The following DOK6 variants were observed in gnomAD, a reference collection of about 807,000 sequenced individuals.
The protein encoded by DOK6 is downstream of tyrosine kinase 6.
A neutral mutation model predicts 44.0 loss-of-function variants in DOK6; 22 were observed. That is an observed-to-expected ratio of 0.50 (90% CI 0.36 to 0.71). The LOEUF is 0.71. Among genes scored for constraint, DOK6 ranks in the 30% least tolerant of loss-of-function variants. The pLI is 0.00. For missense variants in DOK6, 340 were observed against 416.4 expected, an observed-to-expected ratio of 0.82 and a Z score of 1.60; for synonymous variants, 166 against 145.5, an observed-to-expected ratio of 1.14 and a Z score of -1.01.
chr18:69,493,451 C>A (rs756088876), intron 1 of DOK6, among the ~76,000 whole-genome samples: 51 of 152,140 alleles, frequency 3.4e-4, no homozygotes, highest in Non-Finnish European at 6.2e-4. Flanking sequence ...TTCAGATATT[C>A]AGCCTCAACC....
At chr18:69,837,102 G>C (rs1599352969) in intron 7 of DOK6, among the ~76,000 whole-genome samples, 1 of 152,296 alleles carries the variant, frequency 6.6e-6, no homozygotes, top group East Asian at 1.9e-4. Flanking sequence ...TGACCTTGAG[G>C]GGGAGAATAT....
At chr18:69,485,823 A>G (rs1980559803) in intron 1 of DOK6, among the ~76,000 whole-genome samples, 1 of 151,984 alleles carries the variant, frequency 6.6e-6, no homozygotes, top group Non-Finnish European at 1.5e-5. Context: ...CAGACTTCAG[A>G]CATTTAAGGC....
chr18:69,742,562 A>G (rs138427723), intron 6 of DOK6, among the ~76,000 whole-genome samples: 49 of 152,366 alleles, frequency 3.2e-4, no homozygotes, highest in African/African-American at 1.1e-3. Flanking sequence ...CACTGAGAAG[A>G]ATAAAAAATT....
At chr18:69,585,382 A>T (rs1983474944) in intron 2 of DOK6, among the ~76,000 whole-genome samples, 1 of 152,114 alleles carries the variant, frequency 6.6e-6, no homozygotes, top group African/African-American at 2.4e-5. Context: ...ACTTACTAAG[A>T]CTTTTTTATC....
intron 3 of DOK6, among the ~76,000 whole-genome samples, chr18:69,610,065 T>G (rs8096834): frequency 0.13 from 20,440 of 152,210 alleles, 1,586 homozygotes; most frequent in East Asian, 0.38. Context: ...GTAAATAAGT[T>G]CTAGAGATCT....
At chr18:69,652,469 G>T (rs904496978) in intron 3 of DOK6, among the ~76,000 whole-genome samples, 2 of 152,194 alleles carry the variant, frequency 1.3e-5, no homozygotes, top group Non-Finnish European at 2.9e-5. Flanking sequence ...GGAGCTGAGA[G>T]ACCAAAGAAT....
At chr18:69,764,772 T>A (rs1042982143) in intron 7 of DOK6, among the ~76,000 whole-genome samples, 6 of 152,338 alleles carry the variant, frequency 3.9e-5, no homozygotes, top group Middle Eastern at 3.4e-3. Flanking sequence ...TCCTTTTTTT[T>A]AAACAGCTTG....
chr18:69,479,455 G>A (rs1980358398), intron 1 of DOK6, among the ~76,000 whole-genome samples: 1 of 152,114 alleles, frequency 6.6e-6, no homozygotes, highest in African/African-American at 2.4e-5. Context: ...GAGATGAAAT[G>A]TAGAAGCATG....
chr18:69,441,528 C>A (rs1392665463), intron 1 of DOK6, among the ~76,000 whole-genome samples: 1 of 152,018 alleles, frequency 6.6e-6, no homozygotes, highest in Non-Finnish European at 1.5e-5. Context: ...TAAAGAAGAA[C>A]CTTCAAGTCT....
At chr18:69,402,699 G>A (rs533466644) in intron 1 of DOK6, among the ~76,000 whole-genome samples, 1 of 152,344 alleles carries the variant, frequency 6.6e-6, no homozygotes, top group Non-Finnish European at 1.5e-5. Context: ...CTGCAAGAGC[G>A]AGTGCGGAGC....
chr18:69,523,992 T>C (rs1344488531), intron 1 of DOK6, among the ~76,000 whole-genome samples: 1 of 152,054 alleles, frequency 6.6e-6, no homozygotes, highest in Non-Finnish European at 1.5e-5. Flanking sequence ...TCTTTCAACT[T>C]CCATCTGAGA....
At chr18:69,671,450 A>G (rs1331664514) in intron 3 of DOK6, among the ~76,000 whole-genome samples, 4 of 152,228 alleles carry the variant, frequency 2.6e-5, no homozygotes, top group African/African-American at 4.8e-5. Flanking sequence ...TGTCATATCT[A>G]TATAGAAAAT....
In DOK6 at chr18:69,693,954, G is replaced by A. The variant is rs1568335710; in HGVS notation, c.410-4450G>A. ...GGCGCCTGTAGTCCCAGCTACTCGG[G>A]AGGCTGAGGCAGGAGAATGGCGTGA... On this transcript the variant is annotated intron_variant, in intron 4 of 7. Transcript: ENST00000382713. 2.0e-5 allele frequency among the ~76,000 whole-genome samples: 3 copies of A among 150,980 alleles called. No homozygotes were observed. In the South Asian group the frequency reaches 6.3e-4, roughly 32 times the overall value.
intron 1 of DOK6, chr18:69,469,910 G>C: frequency 8.8e-6 from 2 of 227,030 alleles, no homozygotes; most frequent in South Asian, 9.0e-5. Context: ...TGGGTCGCTC[G>C]GGTGCTCTTC....
intron 3 of DOK6, among the ~76,000 whole-genome samples, chr18:69,605,635 G>T (rs564734123): frequency 8.0e-4 from 121 of 151,926 alleles, no homozygotes; most frequent in African/African-American, 2.5e-3. Flanking sequence ...ATAATCTAAA[G>T]AATAAAAATT....
At chr18:69,807,340 C>T (rs778145330) in intron 7 of DOK6, among the ~76,000 whole-genome samples, 6 of 151,860 alleles carry the variant, frequency 4.0e-5, no homozygotes, top group Admixed American at 2.6e-4. Context: ...TGGAGAGAAT[C>T]GTTTAATCAC....
intron 1 of DOK6, among the ~76,000 whole-genome samples, chr18:69,522,979 G>A (rs1981729524): frequency 6.6e-6 from 1 of 152,108 alleles, no homozygotes; most frequent in Admixed American, 6.6e-5. Context: ...GAAGCATTAA[G>A]GGATAGCTAT....
chr18:69,481,091 C>G (rs963518746), intron 1 of DOK6, among the ~76,000 whole-genome samples: 1 of 152,146 alleles, frequency 6.6e-6, no homozygotes, highest in African/African-American at 2.4e-5. Context: ...CAGCACACAC[C>G]TTCTGCCGTC....
chr18:69,514,885 C>T (rs889493268), intron 1 of DOK6, among the ~76,000 whole-genome samples: 2 of 151,386 alleles, frequency 1.3e-5, no homozygotes, highest in Admixed American at 6.6e-5. Flanking sequence ...GCTTTGCAGG[C>T]ATTGCCATTC....
Sources: allele counts gnomAD v4.1 joint callset (sites outside exome capture counted in the v4.1 genomes callset), GRCh38; gene constraint gnomAD v4.1.1; transcripts MANE v1.5; gene names NCBI Gene and HGNC (gene_info 2026-07-23, HGNC 2026-07-21).